The following FBXO31 variants were observed in gnomAD, a reference collection of about 807,000 sequenced individuals.
FBXO31 encodes F-box only protein 31.
FBXO31 carries 24 observed loss-of-function variants against 54.4 expected under a neutral mutation model. That is an observed-to-expected ratio of 0.44 (90% CI 0.32 to 0.62). The LOEUF (loss-of-function observed/expected upper bound fraction) is 0.62. Among genes scored for constraint, FBXO31 ranks in the 20% least tolerant of loss-of-function variants. The probability of loss-of-function intolerance (pLI) is 0.05; values close to 1 mark genes in which losing one functional copy is unlikely to be tolerated. For synonymous variants in FBXO31, 388 were observed against 335.6 expected (o/e 1.16, Z -1.71); for missense variants, 665 against 787.1 (o/e 0.84, Z 1.86).
At chr16:87,354,373 C>G (rs1905801428) in intron 2 of FBXO31, among the ~76,000 whole-genome samples, 1 of 151,812 alleles carries the variant, frequency 6.6e-6, no homozygotes, top group Admixed American at 6.6e-5. Flanking sequence ...TAACTAGGAG[C>G]TGAGGTCAGT....
chr16:87,375,680 C>T (rs764671694), intron 1 of FBXO31, among the ~76,000 whole-genome samples: 49 of 152,104 alleles, frequency 3.2e-4, no homozygotes, highest in Non-Finnish European at 6.6e-4. Context: ...AAGGAACTGC[C>T]AGAGGCCGAG....
At position 87,343,602 on chromosome 16, in the gene FBXO31, A is replaced by ATGTGGCCGTGGTGGGGCCCTT. The variant is rs1173419092; in HGVS notation, c.632_652dup (p.Lys211_His217dup). The ATGTGGCCGTGGTGGGGCCCTT allele has an allele frequency of 6.2e-7, 1 of 1,606,566 alleles. No individual in the cohort carries two copies. Among genetic ancestry groups the ATGTGGCCGTGGTGGGGCCCTT allele is most frequent in the African/African-American group, 1.3e-5 (1 of 74,706 alleles). ...CAGCCCCGCCGCTGCACACACCTGG[A>ATGTGGCCGTGGTGGGGCCCTT]TGTGGCCGTGGTGGGGCCCTTTGTG... On this transcript the variant is annotated inframe_insertion, in exon 4 of 9. Transcript: ENST00000311635.
intron 2 of FBXO31, among the ~76,000 whole-genome samples, chr16:87,351,812 T>G (rs768747035): frequency 6.6e-6 from 1 of 152,104 alleles, no homozygotes; most frequent in African/African-American, 2.4e-5. Flanking sequence ...GAGGTTGAAG[T>G]GAGCCAAGAT....
At chr16:87,368,837 T>C (rs1469908275) in intron 1 of FBXO31, among the ~76,000 whole-genome samples, 1 of 152,198 alleles carries the variant, frequency 6.6e-6, no homozygotes, top group Non-Finnish European at 1.5e-5. Flanking sequence ...TTCGCTCTTG[T>C]TGCCCAGGCC....
Position 87,335,206 on chromosome 16 carries a change from G to A in FBXO31, c.996+98C>T. 1 of 1,547,496 alleles carries A rather than the reference G, an allele frequency of 6.5e-7. No homozygotes were observed. The highest frequency in any genetic ancestry group is 8.8e-7 in the Non-Finnish European group (1 of 1,135,340). ...GTGCAAGCCCACTCTGAGGAGCAAG[G>A]GTGCCGGGGATCAGTGTCTGCCCAA... On this transcript the variant is annotated intron_variant, in intron 7 of 8. Coordinates refer to ENST00000311635, the MANE Select transcript of FBXO31 (RefSeq NM_024735.5). The surrounding 1 kb of genome is among the most constrained non-coding windows in gnomAD (Gnocchi z 5.7).
intron 1 of FBXO31, chr16:87,367,704 C>A (rs1023843409): frequency 6.6e-6 from 1 of 152,202 alleles, no homozygotes; most frequent in Non-Finnish European, 1.5e-5. Context: ...TCTCCTCTGA[C>A]GCATTTTCGT....
At chr16:87,351,940 C>T (rs1905679019) in intron 2 of FBXO31, among the ~76,000 whole-genome samples, 1 of 152,108 alleles carries the variant, frequency 6.6e-6, no homozygotes, top group African/African-American at 2.4e-5. Flanking sequence ...AGTGGCTCTC[C>T]ACCCTGACTG....
At chr16:87,385,168 A>T (rs955606196), upstream of FBXO31, among the ~76,000 whole-genome samples, 2 of 146,994 alleles carry the variant, frequency 1.4e-5, no homozygotes, top group Non-Finnish European at 3.0e-5. Context: ...CAAATAATTT[A>T]AAAAATTAGG....
chr16:87,383,777 G>A, upstream of FBXO31: 1 of 1,179,396 alleles, frequency 8.5e-7, no homozygotes, highest in Non-Finnish European at 1.0e-6. This position sits in a 1 kb window ranked among gnomAD's most constrained non-coding sequence, Gnocchi z 4.9. Flanking sequence ...TGCCGCCTGT[G>A]CGCACGCTCC....
At chr16:87,353,506 G>C (rs892165371) in intron 2 of FBXO31, among the ~76,000 whole-genome samples, 1 of 152,260 alleles carries the variant, frequency 6.6e-6, no homozygotes, top group African/African-American at 2.4e-5. Flanking sequence ...ACTGACTGTT[G>C]TCCTTCCGAG....
At chr16:87,337,566 G>C (rs72804093) in intron 5 of FBXO31, among the ~76,000 whole-genome samples, 1 of 152,202 alleles carries the variant, frequency 6.6e-6, no homozygotes, top group East Asian at 1.9e-4. Flanking sequence ...CGGCGTGCAA[G>C]CCTCAGGCCT....
At chr16:87,356,228 CA>C (rs562439286) in intron 2 of FBXO31, among the ~76,000 whole-genome samples, 2,083 of 82,620 alleles carry the variant, frequency 0.025, 5 homozygotes, top group Middle Eastern at 0.043. Context: ...GACTCCATCT[CA>C]AAAAAAAAAA....
upstream of FBXO31, among the ~76,000 whole-genome samples, chr16:87,385,734 C>A (rs1375023475): frequency 1.2e-4 from 18 of 152,036 alleles, no homozygotes; most frequent in Non-Finnish European, 5.9e-5. Context: ...AGCGGCCAGG[C>A]CTGGTGGCTC....
Position 87,328,265 on chromosome 16 carries a change from C to T in FBXO31, c.*3023G>A, listed in dbSNP as rs1904720539. Reference sequence around the variant, plus strand: ...AGCTCAGACCCGGTTCTGCACAAAGCTCAGAATGGAGCGGCCAGCAGGGCA... The same window carrying T: ...AGCTCAGACCCGGTTCTGCACAAAGTTCAGAATGGAGCGGCCAGCAGGGCA... On this transcript the variant is annotated 3_prime_UTR_variant, in exon 9 of 9. Transcript: ENST00000311635. 6.6e-6 allele frequency: 1 copy of T among 152,322 alleles called. No individual in the cohort carries two copies. 9.4% of individuals were successfully genotyped at this position (152,322 alleles called of 1,614,324 possible).
At chr16:87,344,324 G>A (rs1567616959) in intron 3 of FBXO31, among the ~76,000 whole-genome samples, 1 of 152,270 alleles carries the variant, frequency 6.6e-6, no homozygotes, top group African/African-American at 2.4e-5. Context: ...AAGACCCCGG[G>A]AGGGGCGCTC....
At chr16:87,381,843 T>G (rs1907092453) in intron 1 of FBXO31, among the ~76,000 whole-genome samples, 1 of 151,988 alleles carries the variant, frequency 6.6e-6, no homozygotes, top group Non-Finnish European at 1.5e-5. Context: ...GCCAACATAG[T>G]GAAACCCCCG....
chr16:87,342,678 C>T (rs918683762), intron 5 of FBXO31, among the ~76,000 whole-genome samples, 199 bp downstream of exon 5: 6 of 152,224 alleles, frequency 3.9e-5, no homozygotes, highest in Non-Finnish European at 8.8e-5. Context: ...AGGGGACCGG[C>T]AACCTGCCCG....
upstream of FBXO31, among the ~76,000 whole-genome samples, chr16:87,384,620 G>A (rs934075068): frequency 2.0e-5 from 3 of 152,254 alleles, no homozygotes; most frequent in Admixed American, 1.3e-4. Context: ...CTGAGCAGCC[G>A]CGCACGTCGC....
upstream of FBXO31, among the ~76,000 whole-genome samples, chr16:87,391,296 G>A (rs1800907472): frequency 6.6e-6 from 1 of 152,190 alleles, no homozygotes. Context: ...AACAGAGCAA[G>A]ACCCTGTCTC....
Sources: gnomAD v4.1 joint callset for allele counts (sites outside exome capture counted in the v4.1 genomes callset) on GRCh38, gnomAD v4.1.1 for gene constraint, Gnocchi (gnomAD v3.1) non-coding constraint, MANE v1.5 for transcripts, NCBI Gene and HGNC (gene_info 2026-07-23, HGNC 2026-07-21) for gene names.